Variants in WDR88 observed in about 807,000 individuals in gnomAD.
WDR88 encodes the protein WD repeat domain 88.
A neutral mutation model predicts 46.8 loss-of-function variants in WDR88; 40 were observed. That is an observed-to-expected ratio of 0.86 (90% CI 0.66 to 1.11). The LOEUF (loss-of-function observed/expected upper bound fraction) is 1.11. Among genes scored for constraint, WDR88 ranks in the 50% most tolerant of loss-of-function variants. The probability of loss-of-function intolerance (pLI) is 0.00; values close to 1 mark genes in which losing one functional copy is unlikely to be tolerated. For missense variants in WDR88, 562 were observed against 602.4 expected, an observed-to-expected ratio of 0.93 and a Z score of 0.70; for synonymous variants, 235 against 240.7, an observed-to-expected ratio of 0.98 and a Z score of 0.22.
chr19:33,158,826 A>G (rs1339548770), intron 7 of WDR88, among the ~76,000 whole-genome samples: 1 of 152,096 alleles, frequency 6.6e-6, no homozygotes, highest in Non-Finnish European at 1.5e-5. Flanking sequence ...CAGCCTTCCA[A>G]GTAGCTTGGA....
chr19:33,164,053 T>G (rs1973914310), intron 8 of WDR88, 144 bp from the exon 9 acceptor site: 2 of 666,728 alleles, frequency 3.0e-6, no homozygotes, highest in South Asian at 3.4e-5. Context: ...CACTGCAGCT[T>G]CCACCTCCTG....
chr19:33,162,058 T>G (rs761671110), intron 8 of WDR88, among the ~76,000 whole-genome samples: 15 of 152,166 alleles, frequency 9.9e-5, no homozygotes, highest in Non-Finnish European at 2.9e-5. Context: ...TCTGATTCCT[T>G]TTTCTCTAAC....
Position 33,137,742 on chromosome 19 carries a change from C to T in WDR88, c.342C>T (p.Asp114=), listed in dbSNP as rs748688646. The T allele has an allele frequency of 5.0e-6, 8 of 1,613,744 alleles. No homozygotes were observed. The highest frequency in any genetic ancestry group is 1.3e-5 in the African/African-American group (1 of 74,910). ...AVSTCHFCVD[D]TKLLSGSYDC... is the part of the protein sequence containing the mutation. Reference sequence around the variant, plus strand: ...GCACCTGCCACTTCTGTGTGGATGACACAAAGCTCCTCAGTGGCTCCTATG... The same window carrying T: ...GCACCTGCCACTTCTGTGTGGATGATACAAAGCTCCTCAGTGGCTCCTATG... The change falls in exon 2 of 11, where the codon GAC becomes GAT. Residue 114 remains aspartate, a synonymous_variant. Transcript: ENST00000355868.
intron 10 of WDR88, among the ~76,000 whole-genome samples, chr19:33,172,881 G>A (rs56272429): frequency 0.12 from 18,298 of 151,858 alleles, 1,254 homozygotes; most frequent in South Asian, 0.33. Context: ...CCTGAGGTCA[G>A]GAGTTCGAGA....
In WDR88 at chr19:33,175,743, C is replaced by G. The variant is rs1035098073; in HGVS notation, c.*171C>G. The G allele has an allele frequency of 3.0e-6, 2 of 664,712 alleles. No homozygotes were observed. The highest frequency in any genetic ancestry group is 5.1e-6 in the Non-Finnish European group (2 of 392,144). 41.2% of individuals were successfully genotyped at this position (664,712 alleles called of 1,614,324 possible). A position where few individuals can be genotyped will look rare whatever the true frequency, so the allele number is the denominator to read the frequency against. On this transcript the variant is annotated 3_prime_UTR_variant, in exon 11 of 11. Coordinates refer to ENST00000355868, the MANE Select transcript of WDR88 (RefSeq NM_173479.4). ...ACAGTGCCACCTCCTCAGCTCTCAGCTTGGGGAGTGAACACTTTCCGTTTT... is the reference window on the plus strand; with the variant it reads ...ACAGTGCCACCTCCTCAGCTCTCAGGTTGGGGAGTGAACACTTTCCGTTTT...
intron 2 of WDR88, 145 bp from the exon 3 acceptor site, chr19:33,144,699 C>T (rs527675856): frequency 1.4e-5 from 10 of 712,614 alleles, no homozygotes; most frequent in Non-Finnish European, 1.7e-5. Flanking sequence ...TTTCCTCTTT[C>T]GGAGCTGAGT....
chr19:33,160,518 T>C (rs1480514312), intron 8 of WDR88, 22 bp downstream of exon 8: 4 of 1,613,530 alleles, frequency 2.5e-6, no homozygotes, highest in African/African-American at 1.3e-5. Flanking sequence ...CAGCATGAGA[T>C]TGAGGATCTG....
chr19:33,169,650 G>A (rs1974004300), intron 9 of WDR88, among the ~76,000 whole-genome samples: 1 of 122,404 alleles, frequency 8.2e-6, no homozygotes, highest in Non-Finnish European at 1.6e-5. Context: ...GATGGTGACA[G>A]AGTGAGACCC....
chr19:33,157,657 A>ATATG (rs10584782), intron 7 of WDR88, among the ~76,000 whole-genome samples: 1 of 108,502 alleles, frequency 9.2e-6, no homozygotes, highest in African/African-American at 4.9e-5. Flanking sequence ...GTGTATGTAT[A>ATATG]TATGTATGTA....
chr19:33,132,542 C>A, intron 1 of WDR88, 97 bp downstream of exon 1: 1 of 1,520,756 alleles, frequency 6.6e-7, no homozygotes, highest in East Asian at 2.3e-5. Flanking sequence ...ACCCACCTGG[C>A]TTCACCAGGA....
chr19:33,151,599 G>T (rs1229035253), intron 6 of WDR88, among the ~76,000 whole-genome samples: 1 of 152,198 alleles, frequency 6.6e-6, no homozygotes, highest in Non-Finnish European at 1.5e-5. Flanking sequence ...GGGAAGGTCT[G>T]GCTGGGCGTG....
chr19:33,143,626 T>C (rs1973447818), intron 2 of WDR88, among the ~76,000 whole-genome samples: 1 of 142,732 alleles, frequency 7.0e-6, no homozygotes, highest in Non-Finnish European at 1.5e-5. Flanking sequence ...GCCTGGGTGA[T>C]AGAGCAAGAC....
intron 1 of WDR88, among the ~76,000 whole-genome samples, chr19:33,133,276 A>C (rs1973178299): frequency 6.6e-6 from 1 of 151,964 alleles, no homozygotes; most frequent in Non-Finnish European, 1.5e-5. Flanking sequence ...GGCTGGGTGC[A>C]GTGGCTCATG....
In WDR88 at chr19:33,170,453, T is replaced by A. The variant is rs549420195; in HGVS notation, c.1150-1895T>A. Among the ~76,000 whole-genome samples, 200 of 152,282 alleles carry A rather than the reference T, an allele frequency of 1.3e-3. 1 individual carries two copies. The highest frequency in any genetic ancestry group is 4.1e-3 in the African/African-American group (172 of 41,578). On this transcript the variant is annotated intron_variant, in intron 9 of 10. Transcript: ENST00000355868. ...CGTTGGCCTCCCAATGTGCTAGGAT[T>A]ACAGGCATGAGCCACTGTGCCCGGC...
At position 33,144,890 on chromosome 19, in the gene WDR88, A is replaced by C. The variant is rs774148373; in HGVS notation, c.434A>C (p.Lys145Thr). 1 of 1,613,808 alleles carries C rather than the reference A, an allele frequency of 6.2e-7. No homozygotes were observed. The highest frequency in any genetic ancestry group is 1.1e-5 in the South Asian group (1 of 90,940). The change falls in exon 3 of 11, where the codon AAA (lysine) becomes ACA (threonine). Residue 145 changes from lysine to threonine, a missense_variant. Lys to Thr is a moderately conservative substitution (Grantham distance 78). Coordinates refer to ENST00000355868, the MANE Select transcript of WDR88 (RefSeq NM_173479.4). ...GTTCGCGATTTTGAGCACAGGCCCAAAGCTCCTGTTGTAGAGTGCAGCATC... is the reference window on the plus strand; with the variant it reads ...GTTCGCGATTTTGAGCACAGGCCCACAGCTCCTGTTGTAGAGTGCAGCATC... ...SVVRDFEHRPKAPVVECSITG... is the reference protein window; with the variant it reads ...SVVRDFEHRPTAPVVECSITG...
At chr19:33,155,726 G>A (rs1026084362) in intron 6 of WDR88, among the ~76,000 whole-genome samples, 1 of 152,192 alleles carries the variant, frequency 6.6e-6, no homozygotes, top group East Asian at 1.9e-4. Context: ...TCCCTCCAGC[G>A]CCAAGGGAAT....
chr19:33,157,665 G>A (rs143085766), intron 7 of WDR88, among the ~76,000 whole-genome samples: 21,893 of 104,954 alleles, frequency 0.21, 3,510 homozygotes, highest in African/African-American at 0.46. Flanking sequence ...ATATATGTAT[G>A]TATGTGTGTG....
Position 33,174,989 on chromosome 19 carries a change from C to T in WDR88, c.1243-407C>T, listed in dbSNP as rs1049814597. ...GTGGCTCACGCCTGTAATCCCAGCA[C>T]TCTGGGCTGCCAAGGTGGGTGGATC... is the stretch of plus-strand genomic sequence containing the variant. On this transcript the variant is annotated intron_variant, in intron 10 of 10. Coordinates refer to ENST00000355868, the MANE Select transcript of WDR88 (RefSeq NM_173479.4). 5.1e-6 allele frequency: 5 copies of T among 985,176 alleles called. No homozygotes were observed. The African/African-American group carries it at 8.7e-5, about 17-fold the overall frequency. The allele number at this position is 985,176 out of a possible 1,614,324, so 61.0% of individuals were successfully genotyped here. A position where few individuals can be genotyped will look rare whatever the true frequency, so the allele number is the denominator to read the frequency against.
rs550370865 is a variant in WDR88, at chr19:33,144,778, C to T, written c.388-66C>T. On this transcript the variant is annotated intron_variant, in intron 2 of 10. Transcript: ENST00000355868. ...ATAAGCTAAGGGCTAATGTTGACCT[C>T]GATTTACGACTTCAGCAAACACGGC... 12 of 1,479,844 alleles carry T rather than the reference C, an allele frequency of 8.1e-6. No individual in the cohort carries two copies. The African/African-American group carries it at 1.4e-4, about 17-fold the overall frequency. 91.7% of individuals were successfully genotyped at this position (1,479,844 alleles called of 1,614,324 possible).
Sources: gnomAD v4.1 joint callset for allele counts (sites outside exome capture counted in the v4.1 genomes callset) on GRCh38, gnomAD v4.1.1 for gene constraint, MANE v1.5 for transcripts, NCBI Gene and HGNC (gene_info 2026-07-23, HGNC 2026-07-21) for gene names.